The following MAP2K2 variants were observed in gnomAD, a reference collection of about 807,000 sequenced individuals.
The protein encoded by MAP2K2 is dual specificity mitogen-activated protein kinase kinase 2.
MAP2K2 carries 24 observed loss-of-function variants against 43.7 expected under a neutral mutation model. The observed-to-expected ratio is 0.55, with a 90% confidence interval of 0.40 to 0.77. The LOEUF is 0.77. Among genes scored for constraint, MAP2K2 ranks in the 30% least tolerant of loss-of-function variants. The pLI is 0.00. For synonymous variants in MAP2K2, 244 were observed against 239.7 expected (o/e 1.02, Z -0.17); for missense variants, 470 against 566.8 (o/e 0.83, Z 1.73).
chr19:4,099,457 T>C, intron 6 of MAP2K2, 43 bp from the exon 7 acceptor site: 1 of 1,518,274 alleles, frequency 6.6e-7, no homozygotes, highest in South Asian at 1.2e-5. Context: ...GGGGCGAGGA[T>C]GGCAGCTGGA....
At chr19:4,102,233 T>G in intron 4 of MAP2K2, 143 bp downstream of exon 4, 2 of 725,860 alleles carry the variant, frequency 2.8e-6, no homozygotes, top group East Asian at 5.4e-5. Context: ...CCACAGCAGG[T>G]GGGCACAGCC....
At chr19:4,099,144 C>G (rs1319508707) in intron 7 of MAP2K2, 57 bp downstream of exon 7, 7 of 1,460,256 alleles carry the variant, frequency 4.8e-6, no homozygotes, top group Non-Finnish European at 6.5e-6. Context: ...CCTGGCACAG[C>G]AGGCCCCGCG....
chr19:4,101,567 C>T lies in MAP2K2; in HGVS notation c.529-287G>A, dbSNP rs546950397. Among the ~76,000 whole-genome samples, 1 of 152,302 alleles carries T rather than the reference C, an allele frequency of 6.6e-6. No individual in the cohort carries two copies. Among genetic ancestry groups the T allele is most frequent in the South Asian group, 2.1e-4 (1 of 4,830 alleles). On this transcript the variant is annotated intron_variant, in intron 4 of 10. Transcript: ENST00000262948. The surrounding 1 kb of genome is among the most constrained non-coding windows in gnomAD (Gnocchi z 6.3). ...AGCACACGGCTTAGCCCCAGGGAAG[C>T]TGAGATGGTGGCCCATGGCCCGGGA...
intron 8 of MAP2K2, among the ~76,000 whole-genome samples, chr19:4,096,644 C>T (rs1457871978): frequency 1.3e-5 from 2 of 152,214 alleles, no homozygotes; most frequent in Non-Finnish European, 2.9e-5. Context: ...GCTCTCTGGG[C>T]CTCCTTCCAA....
rs182510846 is a variant in MAP2K2 at position 4,112,286 on chromosome 19, A to G, written c.304-1631T>C. ...AACAGGAATGGGTAAGACCACCTCA[A>G]TGTGGCAAAAAGTCCACCAAGGAGA... On this transcript the variant is annotated intron_variant, in intron 2 of 10. Transcript: ENST00000262948. 1.1e-4 allele frequency among the ~76,000 whole-genome samples: 16 copies of G among 152,312 alleles called. No individual in the cohort carries two copies. The East Asian group carries it at 3.1e-3, about 29-fold the overall frequency.
At chr19:4,112,308 G>A (rs1442621283) in intron 2 of MAP2K2, among the ~76,000 whole-genome samples, 1 of 152,206 alleles carries the variant, frequency 6.6e-6, no homozygotes, top group Non-Finnish European at 1.5e-5. Flanking sequence ...GTCCACCAAG[G>A]AGAATCAACC....
chr19:4,093,166 C>T (rs1023584562), intron 10 of MAP2K2, among the ~76,000 whole-genome samples: 1 of 151,514 alleles, frequency 6.6e-6, no homozygotes. Flanking sequence ...TGCAGTGAGC[C>T]GAGATCGTAC....
intron 3 of MAP2K2, among the ~76,000 whole-genome samples, chr19:4,107,071 G>T (rs951036395): frequency 6.6e-6 from 1 of 152,176 alleles, no homozygotes; most frequent in Non-Finnish European, 1.5e-5. Context: ...CTGTTCCTAA[G>T]TTCCAGTCAC....
chr19:4,118,256 C>T (rs1325162126), intron 1 of MAP2K2, among the ~76,000 whole-genome samples: 2 of 152,152 alleles, frequency 1.3e-5, no homozygotes, highest in Non-Finnish European at 2.9e-5. Context: ...TCCTTCCTAA[C>T]GCACGAGCTC....
chr19:4,102,450 C>T lies in MAP2K2; in HGVS notation c.454G>A (p.Gly152Ser), dbSNP rs910514546. 6 of 1,600,304 alleles carry T rather than the reference C, an allele frequency of 3.7e-6. No homozygotes were observed. The highest frequency in any genetic ancestry group is 2.3e-5 in the South Asian group (2 of 88,848). ...TTCAGCACCTGGTCCAGGGAGCCGC[C>T]GTCCTAGAGGGCACACAAGGAGTGA... ...EISICMEHMDGGSLDQVLKEA... is the reference protein window; with the variant it reads ...EISICMEHMDSGSLDQVLKEA... Residue 152 changes from glycine to serine, a missense_variant, in exon 4 of 11, where the codon GGC becomes AGC. Coordinates refer to ENST00000262948, the MANE Select transcript of MAP2K2 (RefSeq NM_030662.4).
intron 3 of MAP2K2, among the ~76,000 whole-genome samples, chr19:4,108,691 A>T (rs2041118702): frequency 6.6e-6 from 1 of 152,052 alleles, no homozygotes; most frequent in African/African-American, 2.4e-5. Flanking sequence ...ATTCACCAAG[A>T]ATAGAGGTTG....
At chr19:4,106,607 C>G (rs909953992) in intron 3 of MAP2K2, among the ~76,000 whole-genome samples, 14 of 152,018 alleles carry the variant, frequency 9.2e-5, no homozygotes, top group Non-Finnish European at 2.1e-4. Flanking sequence ...GGGGTTTCAC[C>G]ATGTTGGCCA....
chr19:4,096,247 T>C (rs2040916102), intron 8 of MAP2K2, among the ~76,000 whole-genome samples: 1 of 152,142 alleles, frequency 6.6e-6, no homozygotes, highest in African/African-American at 2.4e-5. Flanking sequence ...TCACTGGGCA[T>C]GGGTGTGGCT....
rs927399133 is a variant in MAP2K2, at chr19:4,110,757, C to T, written c.304-102G>A. The T allele has an allele frequency of 2.1e-5, 27 of 1,291,816 alleles. 1 individual carries two copies. In the South Asian group the frequency reaches 3.1e-4, roughly 15 times the overall value. 80.0% of individuals were successfully genotyped at this position (1,291,816 alleles called of 1,614,324 possible). A position where few individuals can be genotyped will look rare whatever the true frequency, so the allele number is the denominator to read the frequency against. On this transcript the variant is annotated intron_variant, in intron 2 of 10. Transcript: ENST00000262948. ...CAGGCGTTCCCAACAGTGGTCAAGA[C>T]CAACTCAGTACCCCCTCCGCAATTC...
chr19:4,103,087 C>T, intron 3 of MAP2K2: 1 of 1,014,004 alleles, frequency 9.9e-7, no homozygotes, highest in Non-Finnish European at 1.2e-6. Context: ...CCGAGTAGGA[C>T]CAGGGGCCAG....
chr19:4,121,577 AC>A (rs1164234721), intron 1 of MAP2K2, among the ~76,000 whole-genome samples: 19 of 37,280 alleles, frequency 5.1e-4, no homozygotes, highest in African/African-American at 2.3e-3. Context: ...CCACAACATG[AC>A]CCCCCGAGGA....
At chr19:4,090,872 G>T (rs2040848563) in intron 10 of MAP2K2, among the ~76,000 whole-genome samples, 164 bp from the exon 11 acceptor site, 1 of 152,190 alleles carries the variant, frequency 6.6e-6, no homozygotes, top group African/African-American at 2.4e-5. Flanking sequence ...GAGAGGGAAA[G>T]AAACCCAGAA....
rs2145057355 is a variant in MAP2K2, at chr19:4,102,360, T to C, written c.528+16A>G. 6.3e-7 allele frequency: 1 copy of C among 1,582,136 alleles called. No individual in the cohort carries two copies. Among genetic ancestry groups the C allele is most frequent in the Non-Finnish European group, 8.6e-7 (1 of 1,164,790 alleles). On this transcript the variant is annotated intron_variant, in intron 4 of 10. Coordinates refer to ENST00000262948, the MANE Select transcript of MAP2K2 (RefSeq NM_030662.4). ...GAGTGCGGTGGGGGCGCGATGTGGG[T>C]CTGCGGTGGACTCACCGCGATGCTG...
chr19:4,117,717 G>A (rs535156258), intron 1 of MAP2K2, 88 bp from the exon 2 acceptor site: 5 of 1,155,514 alleles, frequency 4.3e-6, no homozygotes, highest in East Asian at 4.7e-5. Flanking sequence ...TCGGCCCCCA[G>A]GAGGACACAG....
Sources: gnomAD v4.1 joint callset for allele counts (sites outside exome capture counted in the v4.1 genomes callset) on GRCh38, gnomAD v4.1.1 for gene constraint, Gnocchi (gnomAD v3.1) non-coding constraint, MANE v1.5 for transcripts, NCBI Gene and HGNC (gene_info 2026-07-23, HGNC 2026-07-21) for gene names.